The following ANK2 variants were observed in gnomAD, a reference collection of about 807,000 sequenced individuals.
ANK2 encodes ankyrin 2, also known as ankyrin-2.
In ANK2, 83 loss-of-function variants were observed where a neutral mutation model predicts 360.5. The observed-to-expected ratio is 0.23, with a 90% CI of 0.19 to 0.28. The LOEUF (loss-of-function observed/expected upper bound fraction) is 0.28, where lower values mean the gene tolerates loss of function less well. Ranked by LOEUF, ANK2 falls within the 10% of genes least tolerant of loss-of-function variation. ANK2 has a pLI of 1.00. For synonymous variants in ANK2, 1,740 were observed against 1,759.5 expected (o/e 0.99, Z 0.28); for missense variants, 4,201 against 4,795.7 (o/e 0.88, Z 3.66).
chr4:113,336,280 G>A, intron 30 of ANK2: 1 of 523,386 alleles, frequency 1.9e-6, no homozygotes, highest in Non-Finnish European at 3.2e-6. Context: ...AGCTACAAAT[G>A]TTTTCTTCTT....
intron 1 of ANK2, among the ~76,000 whole-genome samples, chr4:113,105,012 G>A (rs1160817515): frequency 6.6e-6 from 1 of 151,980 alleles, no homozygotes; most frequent in African/African-American, 2.4e-5. Context: ...CAGGAAATAG[G>A]TGAGAATCCA....
chr4:113,265,067 C>G (rs770486459), intron 14 of ANK2, 72 bp downstream of exon 14: 78 of 1,368,402 alleles, frequency 5.7e-5, no homozygotes, highest in Non-Finnish European at 7.6e-5. Context: ...GGGTGTTGCC[C>G]TTCAGTTCCT....
At chr4:113,198,916 T>A in intron 3 of ANK2, 95 bp from the exon 4 acceptor site, 1 of 997,768 alleles carries the variant, frequency 1.0e-6, no homozygotes. Context: ...TTTAATCGGT[T>A]AAAGTGATTA....
chr4:113,073,207 C>T (rs568590128), intron 1 of ANK2, among the ~76,000 whole-genome samples: 13 of 152,018 alleles, frequency 8.6e-5, no homozygotes, highest in South Asian at 4.2e-4. Flanking sequence ...CCACCTGTCT[C>T]GGCCTCCCAA....
intron 2 of ANK2, among the ~76,000 whole-genome samples, chr4:113,030,642 G>A (rs2060202903): frequency 2.0e-5 from 3 of 152,012 alleles, no homozygotes; most frequent in South Asian, 4.1e-4. Context: ...ATATGGGTCA[G>A]TAATTCACTG....
At chr4:113,286,037 T>C (rs2064401196) in intron 18 of ANK2, among the ~76,000 whole-genome samples, 1 of 152,194 alleles carries the variant, frequency 6.6e-6, no homozygotes, top group Admixed American at 6.5e-5. Context: ...TAGTTTGTAA[T>C]CTTGCATTGC....
chr4:112,971,054 T>C (rs1171010584), intron 2 of ANK2, among the ~76,000 whole-genome samples: 2 of 152,126 alleles, frequency 1.3e-5, no homozygotes, highest in Non-Finnish European at 2.9e-5. Context: ...TTACATAAAA[T>C]ATCTTAAAGA....
In ANK2 at chr4:112,832,721, A is replaced by G. The variant is rs143536354; in HGVS notation, c.-40+14457A>G. 4.4e-3 allele frequency among the ~76,000 whole-genome samples: 674 copies of G among 152,344 alleles called. 2 individuals are homozygous for G. The highest frequency in any genetic ancestry group is 6.7e-3 in the Non-Finnish European group (455 of 68,014). ...AATTTCACACAGAGAATAACATTCC[A>G]TGGTCTTCTACTGTTATGCACTATT... On this transcript the variant is annotated intron_variant, in intron 1 of 30. Coordinates refer to the ANK2 transcript ENST00000503271.
chr4:113,336,037 C>T lies in ANK2; in HGVS notation c.3571C>T (p.Arg1191Trp), dbSNP rs771751897. 8 of 1,613,974 alleles carry T rather than the reference C, an allele frequency of 5.0e-6. No homozygotes were observed. The highest frequency in any genetic ancestry group is 3.3e-5 in the Admixed American group (2 of 60,018). ...AVFPEGALTK[R>W]IRVGLQAQPM... The stretch of plus-strand genomic sequence containing the variant: ...CTTCCCAGAGGGGGCACTCACCAAG[C>T]GGATCCGCGTAGGCCTGCAGGTATG... Residue 1191 changes from arginine to tryptophan, a missense_variant, in exon 30 of 46, where the codon CGG becomes TGG. Coordinates refer to ENST00000357077, the MANE Select transcript of ANK2 (RefSeq NM_001148.6).
chr4:113,090,696 G>A (rs1297996556), intron 1 of ANK2, among the ~76,000 whole-genome samples: 1 of 152,184 alleles, frequency 6.6e-6, no homozygotes, highest in Non-Finnish European at 1.5e-5. Context: ...GTTTTAATCA[G>A]AAGATTTTAT....
chr4:113,117,539 G>C (rs1403631981), intron 1 of ANK2: 1 of 391,706 alleles, frequency 2.6e-6, no homozygotes, highest in East Asian at 7.2e-5. Flanking sequence ...TCTAAGCTCA[G>C]TTTGCAGCCT....
intron 5 of ANK2, 53 bp downstream of exon 5, chr4:113,232,312 C>G: frequency 3.0e-6 from 4 of 1,323,804 alleles, no homozygotes; most frequent in Non-Finnish European, 4.4e-6. Context: ...TGTCCATATT[C>G]TTTATATCAG....
chr4:112,781,231 C>G, the ANK2 span, among the ~76,000 whole-genome samples: 1 of 152,084 alleles, frequency 6.6e-6, no homozygotes, highest in Non-Finnish European at 1.5e-5. Context: ...AACTCCTAGG[C>G]TCAAGGGATC....
At chr4:112,878,047 C>T (rs1448799153) in intron 1 of ANK2, among the ~76,000 whole-genome samples, 1 of 152,160 alleles carries the variant, frequency 6.6e-6, no homozygotes, top group Non-Finnish European at 1.5e-5. Context: ...CATACATCTA[C>T]CCTAGTTAGT....
intron 45 of ANK2, chr4:113,374,831 G>C: frequency 7.9e-7 from 1 of 1,268,100 alleles, no homozygotes; most frequent in Non-Finnish European, 1.0e-6. Flanking sequence ...GTGGAAGGCC[G>C]TAGAGTCAGC....
intron 2 of ANK2, among the ~76,000 whole-genome samples, chr4:112,989,494 A>G (rs1206080367): frequency 6.6e-6 from 1 of 152,220 alleles, no homozygotes; most frequent in African/African-American, 2.4e-5. Context: ...GCAGAGAAAA[A>G]TAAGCCCTGG....
At chr4:113,317,432 C>T in intron 24 of ANK2, 1 of 455,462 alleles carries the variant, frequency 2.2e-6, no homozygotes. Context: ...TGGTTTCAAA[C>T]ATTTCTGGGA....
At chr4:113,187,019 C>T (rs1198152131) in intron 2 of ANK2, among the ~76,000 whole-genome samples, 2 of 151,974 alleles carry the variant, frequency 1.3e-5, no homozygotes, top group Non-Finnish European at 2.9e-5. Flanking sequence ...CATAAAGGCA[C>T]ACCTTGGGGC....
rs117420773 is a variant in ANK2 at position 113,147,295 on chromosome 4, C to T, written c.85-27121C>T. Among the ~76,000 whole-genome samples the T allele has an allele frequency of 2.6e-4, 39 of 152,304 alleles. No individual in the cohort carries two copies. In the East Asian group the frequency reaches 7.3e-3, roughly 29 times the overall value. Reference sequence around the variant, plus strand: ...TCTCCTGGATTATGGTTTCCACTACCCACATCCACCCAGGAGAGCCGCTCT... The same window carrying T: ...TCTCCTGGATTATGGTTTCCACTACTCACATCCACCCAGGAGAGCCGCTCT... On this transcript the variant is annotated intron_variant, in intron 1 of 45. Transcript: ENST00000357077.
Sources: gnomAD v4.1 joint callset for allele counts (sites outside exome capture counted in the v4.1 genomes callset) on GRCh38, gnomAD v4.1.1 for gene constraint, MANE v1.5 for transcripts, NCBI Gene and HGNC (gene_info 2026-07-23, HGNC 2026-07-21) for gene names.